The following ANKRD36C variants were observed in gnomAD, a reference collection of about 807,000 sequenced individuals.
ANKRD36C encodes ankyrin repeat domain-containing protein 36C.
Under a neutral mutation model 276.4 loss-of-function variants are expected in ANKRD36C, and 61 were observed. The ratio of observed to expected loss-of-function variants is 0.22; its 90% confidence interval spans 0.18 to 0.27. The LOEUF (loss-of-function observed/expected upper bound fraction) is 0.27, where lower values mean the gene tolerates loss of function less well. ANKRD36C is among the 10% of genes least tolerant of loss of function. ANKRD36C has a pLI of 1.00. For missense variants in ANKRD36C, 1,447 were observed against 2,032.3 expected, an observed-to-expected ratio of 0.71 and a Z score of 5.54; for synonymous variants, 483 against 680.1, an observed-to-expected ratio of 0.71 and a Z score of 4.51.
chr2:95,956,380 C>T (rs1376636846), intron 13 of ANKRD36C, among the ~76,000 whole-genome samples: 3 of 152,230 alleles, frequency 2.0e-5, no homozygotes, highest in Non-Finnish European at 4.4e-5. Flanking sequence ...CTAAGGAATA[C>T]TCTAAAGAGA....
At chr2:95,959,473 A>G (rs1285487810) in intron 10 of ANKRD36C, among the ~76,000 whole-genome samples, 1 of 152,260 alleles carries the variant, frequency 6.6e-6, no homozygotes, top group Non-Finnish European at 1.5e-5. Flanking sequence ...TATAAACCTC[A>G]TCAAAAAGTA....
chr2:95,856,421 A>T (rs1423931149), intron 62 of ANKRD36C, among the ~76,000 whole-genome samples: 2 of 152,150 alleles, frequency 1.3e-5, no homozygotes, highest in African/African-American at 2.4e-5. Context: ...CCACTAGATA[A>T]TTTTTTTAAA....
At chr2:95,971,881 T>C (rs539408400) in intron 6 of ANKRD36C, among the ~76,000 whole-genome samples, 4 of 152,310 alleles carry the variant, frequency 2.6e-5, no homozygotes, top group East Asian at 1.9e-4. Context: ...AATATTGCCA[T>C]AGTAACTTCT....
At chr2:95,885,680 G>A (rs539636782) in intron 52 of ANKRD36C, among the ~76,000 whole-genome samples, 103 of 151,840 alleles carry the variant, frequency 6.8e-4, no homozygotes, top group African/African-American at 2.0e-3. Flanking sequence ...TTTTCCCTCC[G>A]TTTATAACAA....
At chr2:95,986,389 C>T (rs1679026353) in intron 3 of ANKRD36C, among the ~76,000 whole-genome samples, 1 of 152,068 alleles carries the variant, frequency 6.6e-6, no homozygotes, top group Non-Finnish European at 1.5e-5. Context: ...AAAATAAAGC[C>T]TATTTATAAG....
chr2:95,908,719 T>C (rs1418699271), intron 42 of ANKRD36C, 22 bp from the exon 47 acceptor site: 3 of 1,545,700 alleles, frequency 1.9e-6, no homozygotes, highest in Non-Finnish European at 2.6e-6. Flanking sequence ...AAGGGATTCA[T>C]AATCACTCAT....
chr2:95,890,700 T>A (rs1341311603), intron 46 of ANKRD36C, among the ~76,000 whole-genome samples: 4 of 151,618 alleles, frequency 2.6e-5, no homozygotes, highest in South Asian at 2.1e-4. Context: ...ATTATCAACT[T>A]TGACATAATT....
chr2:95,869,178 T>A (rs865840408), intron 59 of ANKRD36C, among the ~76,000 whole-genome samples: 16 of 152,310 alleles, frequency 1.1e-4, no homozygotes, highest in Middle Eastern at 6.8e-3. Context: ...AATATCAAAC[T>A]TCTTAATCTA....
chr2:95,989,329 G>C (rs1181438914), intron 1 of ANKRD36C, among the ~76,000 whole-genome samples: 1 of 151,862 alleles, frequency 6.6e-6, no homozygotes, highest in Non-Finnish European at 1.5e-5. Context: ...ATACATCACG[G>C]ATAAGAAAAA....
At chr2:95,912,202 A>T (rs973920667) in intron 42 of ANKRD36C, 42 bp downstream of exon 44, 5 of 1,541,262 alleles carry the variant, frequency 3.2e-6, no homozygotes, top group East Asian at 4.9e-5. Context: ...AGAACTTCTT[A>T]TCTGGACTGC....
intron 36 of ANKRD36C, among the ~76,000 whole-genome samples, chr2:95,917,285 T>A (rs1489813102): frequency 6.6e-6 from 1 of 151,632 alleles, no homozygotes; most frequent in African/African-American, 2.4e-5. Context: ...TTTAAGCACA[T>A]ATTCCAAATG....
chr2:95,918,723 C>T (rs1037740587), intron 34 of ANKRD36C, among the ~76,000 whole-genome samples: 2 of 151,550 alleles, frequency 1.3e-5, no homozygotes, highest in Admixed American at 6.6e-5. Context: ...AATATATTAG[C>T]CTCAATAAAA....
intron 60 of ANKRD36C, among the ~76,000 whole-genome samples, chr2:95,866,006 T>C (rs1573726543): frequency 6.6e-6 from 1 of 152,210 alleles, no homozygotes; most frequent in East Asian, 1.9e-4. Flanking sequence ...AGCTTATGAC[T>C]GACAAAGGCA....
chr2:95,896,461 G>A (rs1159187396), intron 44 of ANKRD36C, among the ~76,000 whole-genome samples: 2 of 149,674 alleles, frequency 1.3e-5, no homozygotes, highest in East Asian at 3.9e-4. Context: ...GGAGTATCGT[G>A]TTATTCTCTA....
chr2:95,915,848 T>G, intron 38 of ANKRD36C, 132 bp downstream of exon 40: 1 of 1,290,038 alleles, frequency 7.8e-7, no homozygotes, highest in Non-Finnish European at 1.1e-6. Flanking sequence ...CCCAAGAACT[T>G]ATTAGAAATG....
At chr2:95,990,834 C>A (rs879353350) in intron 1 of ANKRD36C, among the ~76,000 whole-genome samples, 8 of 152,166 alleles carry the variant, frequency 5.3e-5, no homozygotes, top group Non-Finnish European at 1.0e-4. Flanking sequence ...GAAATGATTT[C>A]TCTCATTATG....
chr2:95,946,442 AC>A (rs1678053455), intron 17 of ANKRD36C, among the ~76,000 whole-genome samples: 1 of 142,268 alleles, frequency 7.0e-6, no homozygotes, highest in Admixed American at 7.1e-5. Flanking sequence ...AAATAGGAAC[AC>A]TTTTACACTG....
At chr2:95,861,223 G>A (rs949380178) in intron 60 of ANKRD36C, among the ~76,000 whole-genome samples, 10 of 152,048 alleles carry the variant, frequency 6.6e-5, no homozygotes, top group African/African-American at 2.4e-4. Context: ...AACCATACTT[G>A]TAGAGACGCA....
chr2:95,859,996 T>C, exon 61 of ANKRD36C: 1 of 1,548,882 alleles, frequency 6.5e-7, no homozygotes, highest in Non-Finnish European at 8.7e-7. Flanking sequence ...TCTAAGTTGC[T>C]CACAGTGATT....
Sources: allele counts gnomAD v4.1 joint callset (sites outside exome capture counted in the v4.1 genomes callset), GRCh38; gene constraint gnomAD v4.1.1; transcripts MANE v1.5; gene names NCBI Gene and HGNC (gene_info 2026-07-23, HGNC 2026-07-21).